The following AVL9 variants were observed in gnomAD, a reference collection of about 807,000 sequenced individuals.
The protein encoded by AVL9 is AVL9 cell migration associated.
AVL9 carries 49 observed loss-of-function variants against 79.2 expected under a neutral mutation model. The observed-to-expected ratio is 0.62, with a 90% CI of 0.49 to 0.79. The LOEUF is 0.79. Among genes scored for constraint, AVL9 ranks in the 30% least tolerant of loss-of-function variants. AVL9 has a pLI of 0.00. For synonymous variants in AVL9, 299 were observed against 280.6 expected (o/e 1.07, Z -0.65); for missense variants, 682 against 776.8 (o/e 0.88, Z 1.45).
intron 1 of AVL9, among the ~76,000 whole-genome samples, chr7:32,519,835 G>A (rs1788065663): frequency 6.6e-6 from 1 of 152,152 alleles, no homozygotes. Context: ...TCTGCAGGCT[G>A]TACAGGAAGC....
At chr7:32,500,303 A>G (rs1402483891) in intron 1 of AVL9, among the ~76,000 whole-genome samples, 2 of 152,188 alleles carry the variant, frequency 1.3e-5, no homozygotes, top group East Asian at 1.9e-4. Context: ...ATGAGATGGT[A>G]TCTCATGGTT....
At chr7:32,503,575 A>G (rs1475004765) in intron 1 of AVL9, among the ~76,000 whole-genome samples, 2 of 149,136 alleles carry the variant, frequency 1.3e-5, no homozygotes, top group Non-Finnish European at 3.0e-5. Flanking sequence ...AAAAAAAAAA[A>G]ACTAGATTTG....
Position 32,586,630 on chromosome 7 carries a change from C to T in AVL9, c.*2723C>T, listed in dbSNP as rs1273340500. 6.6e-6 allele frequency: 1 copy of T among 152,222 alleles called. No homozygotes were observed. Among genetic ancestry groups the T allele is most frequent in the Non-Finnish European group, 1.5e-5 (1 of 68,088 alleles). The allele number at this position is 152,222 out of a possible 1,614,324, so 9.4% of individuals were successfully genotyped here. A position where few individuals can be genotyped will look rare whatever the true frequency, so the allele number is the denominator to read the frequency against. ...GAAGGTGTGTGTGTGTTGGTGGCCACACTTGCTAAGGCTTTTGTGTCTAAG... is the reference window on the plus strand; with the variant it reads ...GAAGGTGTGTGTGTGTTGGTGGCCATACTTGCTAAGGCTTTTGTGTCTAAG... On this transcript the variant is annotated 3_prime_UTR_variant, in exon 16 of 16. Coordinates refer to ENST00000318709, the MANE Select transcript of AVL9 (RefSeq NM_015060.3).
intron 1 of AVL9, among the ~76,000 whole-genome samples, chr7:32,542,697 G>A (rs935504663): frequency 6.6e-6 from 1 of 152,178 alleles, no homozygotes; most frequent in Non-Finnish European, 1.5e-5. Flanking sequence ...GTGGAAAGAT[G>A]AGCCATCCTA....
At chr7:32,554,536 A>G in intron 7 of AVL9, 22 bp from the exon 8 acceptor site, 1 of 1,491,200 alleles carries the variant, frequency 6.7e-7, no homozygotes, top group Non-Finnish European at 9.2e-7. Flanking sequence ...TTTCAATACA[A>G]CATTTTTTTT....
intron 10 of AVL9, among the ~76,000 whole-genome samples, chr7:32,561,793 C>T (rs1790345195): frequency 6.6e-6 from 1 of 152,166 alleles, no homozygotes; most frequent in South Asian, 2.1e-4. Context: ...CCTTACTAAA[C>T]TTAGTCATTT....
In AVL9 at chr7:32,495,566, T is replaced by C; in HGVS notation, c.-144T>C. ...TGGCCCTGGGGGCGGCGGGAGCTGC[T>C]TTGCCTCCACCGATCTCCCTGTGCG... On this transcript the variant is annotated 5_prime_UTR_variant, in exon 1 of 16. Coordinates refer to ENST00000318709, the MANE Select transcript of AVL9 (RefSeq NM_015060.3). The C allele has an allele frequency of 2.2e-6, 1 of 454,970 alleles. No individual in the cohort carries two copies. The highest frequency in any genetic ancestry group is 3.7e-6 in the Non-Finnish European group (1 of 267,976). The allele number at this position is 454,970 out of a possible 1,614,324, so 28.2% of individuals were successfully genotyped here. A position where few individuals can be genotyped will look rare whatever the true frequency, so the allele number is the denominator to read the frequency against.
intron 9 of AVL9, 123 bp downstream of exon 9, chr7:32,558,751 T>A: frequency 1.0e-6 from 1 of 983,796 alleles, no homozygotes; most frequent in Non-Finnish European, 1.5e-6. Flanking sequence ...TATGACGTCT[T>A]CCTTTTGGAA....
At chr7:32,508,841 C>T (rs563932248) in intron 1 of AVL9, among the ~76,000 whole-genome samples, 7 of 152,202 alleles carry the variant, frequency 4.6e-5, no homozygotes, top group Non-Finnish European at 8.8e-5. Context: ...TCTATGCTTG[C>T]ACCAGTATTA....
At chr7:32,568,736 T>C (rs1459068588) in intron 10 of AVL9, among the ~76,000 whole-genome samples, 1 of 152,164 alleles carries the variant, frequency 6.6e-6, no homozygotes, top group Non-Finnish European at 1.5e-5. Context: ...TTTTAAAGGA[T>C]TTTTAAACAT....
chr7:32,523,174 G>T (rs1196658362), intron 1 of AVL9, among the ~76,000 whole-genome samples: 2 of 108,142 alleles, frequency 1.8e-5, no homozygotes, highest in Admixed American at 9.3e-5. Flanking sequence ...AAAAAAAAAG[G>T]AAAGCAAAAA....
At chr7:32,535,272 T>C (rs1788845393) in intron 1 of AVL9, 2 of 152,230 alleles carry the variant, frequency 1.3e-5, no homozygotes, top group Admixed American at 6.5e-5. Context: ...TGGTTTCCAC[T>C]GAGCTCCTTC....
At chr7:32,552,112 A>T in intron 5 of AVL9, 117 bp from the exon 6 acceptor site, 1 of 636,926 alleles carries the variant, frequency 1.6e-6, no homozygotes, top group Non-Finnish European at 2.8e-6. Context: ...TTTTAAATTT[A>T]GCGCCTAGCA....
chr7:32,569,312 C>T (rs956400113), intron 10 of AVL9, among the ~76,000 whole-genome samples: 4 of 152,180 alleles, frequency 2.6e-5, no homozygotes, highest in Admixed American at 1.3e-4. Context: ...AATTGCATAT[C>T]TTCCTTCAGT....
intron 12 of AVL9, among the ~76,000 whole-genome samples, chr7:32,574,548 G>T (rs1271307188): frequency 1.3e-5 from 2 of 152,036 alleles, no homozygotes; most frequent in Non-Finnish European, 2.9e-5. Flanking sequence ...TTGCCCAGGA[G>T]GCTGTAAGCA....
At chr7:32,579,565 TATATTATATTATATATTATATATTA>T (rs1791384310) in intron 13 of AVL9, among the ~76,000 whole-genome samples, 2 of 9,402 alleles carry the variant, frequency 2.1e-4, no homozygotes, top group South Asian at 7.7e-3. Flanking sequence ...TATTATATTA[TATATTATATTATATATTATATATTA>T]TATATTATAT....
At position 32,517,393 on chromosome 7, in the gene AVL9, T is replaced by C. The variant is rs117052905; in HGVS notation, c.93+21591T>C. ...TGATCTCAGCTCACTGCAAACTCTG[T>C]CGCCTGAGTTCAAGCGATTCTCCTT... On this transcript the variant is annotated intron_variant, in intron 1 of 15. Transcript: ENST00000318709. 7.1e-3 allele frequency among the ~76,000 whole-genome samples: 1,075 copies of C among 151,746 alleles called. 4 individuals are homozygous for C. The highest frequency in any genetic ancestry group is 0.012 in the Non-Finnish European group (786 of 67,890).
chr7:32,503,367 T>TAC lies in AVL9; in HGVS notation c.93+7566_93+7567insCA, dbSNP rs1278670017. Among the ~76,000 whole-genome samples, 660 of 88,200 alleles carry TAC rather than the reference T, an allele frequency of 7.5e-3. 13 individuals are homozygous for TAC. The highest frequency in any genetic ancestry group is 0.027 in the African/African-American group (587 of 21,984). 57.9% of individuals were successfully genotyped at this position (88,200 alleles called of 152,430 possible). ...ATAGATATAGATATAGAGAGATATA[T>TAC]ATATATACACACACACACACACACA... On this transcript the variant is annotated intron_variant, in intron 1 of 15. Coordinates refer to ENST00000318709, the MANE Select transcript of AVL9 (RefSeq NM_015060.3).
At chr7:32,513,098 A>C (rs1225661826) in intron 1 of AVL9, among the ~76,000 whole-genome samples, 3 of 152,234 alleles carry the variant, frequency 2.0e-5, no homozygotes, top group Non-Finnish European at 4.4e-5. Context: ...AAGCCAGCAC[A>C]GGGAGACAGA....
Sources: gnomAD v4.1 joint callset for allele counts (sites outside exome capture counted in the v4.1 genomes callset) on GRCh38, gnomAD v4.1.1 for gene constraint, MANE v1.5 for transcripts, NCBI Gene and HGNC (gene_info 2026-07-23, HGNC 2026-07-21) for gene names.